Variants in NR2F1-AS1 observed in about 807,000 individuals in gnomAD.
NR2F1-AS1 encodes NR2F1 regulatory antisense RNA 1, also known as NR2F1 antisense RNA 1.
chr5:93,554,096 C>T (rs1245019766), intron 3 of NR2F1-AS1, among the ~76,000 whole-genome samples: 2 of 152,100 alleles, frequency 1.3e-5, no homozygotes, highest in Non-Finnish European at 2.9e-5. Flanking sequence ...TAATGAAAGC[C>T]TGACCCCCTG....
intron 4 of NR2F1-AS1, among the ~76,000 whole-genome samples, chr5:93,552,689 A>G (rs1752259350): frequency 6.6e-6 from 1 of 151,722 alleles, no homozygotes; most frequent in Non-Finnish European, 1.5e-5. Context: ...AAAAAAAAGG[A>G]CACGAGCAAA....
chr5:93,440,666 C>G (rs1749549328), intron 4 of NR2F1-AS1, among the ~76,000 whole-genome samples: 1 of 152,116 alleles, frequency 6.6e-6, no homozygotes, highest in Non-Finnish European at 1.5e-5. Context: ...CTCACTCACT[C>G]TGTTTCTGAA....
At chr5:93,480,421 C>G (rs1750576499) in intron 4 of NR2F1-AS1, among the ~76,000 whole-genome samples, 1 of 152,022 alleles carries the variant, frequency 6.6e-6, no homozygotes, top group Admixed American at 6.6e-5. Context: ...CAGCAAAATA[C>G]TTCAAAAATG....
At chr5:93,574,087 C>A (rs1222532249) in intron 1 of NR2F1-AS1, among the ~76,000 whole-genome samples, 1 of 152,244 alleles carries the variant, frequency 6.6e-6, no homozygotes, top group Non-Finnish European at 1.5e-5. Context: ...AACTACTACA[C>A]CCCAACTAGC....
intron 4 of NR2F1-AS1, among the ~76,000 whole-genome samples, chr5:93,488,933 T>C (rs991093759): frequency 2.6e-5 from 4 of 151,810 alleles, no homozygotes; most frequent in African/African-American, 9.7e-5. Flanking sequence ...AAAGGATGAG[T>C]TCATGTCCTT....
At chr5:93,447,843 T>C (rs1749748621) in intron 4 of NR2F1-AS1, among the ~76,000 whole-genome samples, 1 of 152,182 alleles carries the variant, frequency 6.6e-6, no homozygotes, top group South Asian at 2.1e-4. Flanking sequence ...TGGTGGCACA[T>C]ATACACCATG....
intron 4 of NR2F1-AS1, among the ~76,000 whole-genome samples, chr5:93,420,776 G>A (rs547021675): frequency 3.9e-5 from 6 of 152,220 alleles, no homozygotes; most frequent in African/African-American, 1.4e-4. Context: ...GTAAAAAGAA[G>A]GATAGATCCT....
At chr5:93,430,651 A>G (rs1159665652) in intron 4 of NR2F1-AS1, among the ~76,000 whole-genome samples, 2 of 152,202 alleles carry the variant, frequency 1.3e-5, no homozygotes, top group Non-Finnish European at 2.9e-5. Context: ...ATGCCGAAAG[A>G]AGAATGGTGT....
At chr5:93,431,971 C>T (rs546505894) in intron 4 of NR2F1-AS1, among the ~76,000 whole-genome samples, 2 of 152,010 alleles carry the variant, frequency 1.3e-5, no homozygotes, top group African/African-American at 4.8e-5. Flanking sequence ...TTTAAAATAC[C>T]GGTCTAAAAG....
intron 4 of NR2F1-AS1, among the ~76,000 whole-genome samples, chr5:93,495,765 T>C (rs529981815): frequency 3.3e-5 from 5 of 152,128 alleles, no homozygotes; most frequent in East Asian, 1.9e-4. Flanking sequence ...TTGTATATCA[T>C]ATACACAAAT....
intron 4 of NR2F1-AS1, among the ~76,000 whole-genome samples, chr5:93,522,832 A>G (rs1751531436): frequency 6.6e-6 from 1 of 152,168 alleles, no homozygotes; most frequent in African/African-American, 2.4e-5. Context: ...TGCTTTTCCC[A>G]TGGTCTTTGC....
chr5:93,447,902 A>T (rs987245325), intron 4 of NR2F1-AS1, among the ~76,000 whole-genome samples: 4 of 152,278 alleles, frequency 2.6e-5, no homozygotes, highest in Middle Eastern at 3.4e-3. Flanking sequence ...CTTTGCAGGG[A>T]CATGGATGAA....
intron 1 of NR2F1-AS1, among the ~76,000 whole-genome samples, chr5:93,565,899 A>G (rs116039230): frequency 0.012 from 1,831 of 152,070 alleles, 14 homozygotes; most frequent in Middle Eastern, 0.024. Flanking sequence ...AAATAGCACA[A>G]AACACAAAAT....
intron 4 of NR2F1-AS1, among the ~76,000 whole-genome samples, chr5:93,534,112 A>G (rs1450166636): frequency 6.6e-6 from 1 of 152,218 alleles, no homozygotes; most frequent in African/African-American, 2.4e-5. Flanking sequence ...TAGAAAACAA[A>G]GTATACAAGC....
intron 4 of NR2F1-AS1, chr5:93,545,036 T>C (rs1268060441): frequency 6.6e-6 from 1 of 151,742 alleles, no homozygotes; most frequent in East Asian, 1.9e-4. Flanking sequence ...GGGCTTTTGA[T>C]AAGAAAAAGT....
intron 4 of NR2F1-AS1, among the ~76,000 whole-genome samples, chr5:93,480,549 A>G (rs530784858): frequency 6.6e-6 from 1 of 152,316 alleles, no homozygotes; most frequent in East Asian, 1.9e-4. Context: ...TTAAAGCCAT[A>G]CAATGAAATA....
At chr5:93,472,529 G>A (rs1750388292) in intron 4 of NR2F1-AS1, among the ~76,000 whole-genome samples, 3 of 151,580 alleles carry the variant, frequency 2.0e-5, no homozygotes, top group African/African-American at 7.3e-5. Flanking sequence ...TCTCACTCAA[G>A]ATATAAAAAA....
At chr5:93,535,581 A>G (rs1751822040) in intron 4 of NR2F1-AS1, among the ~76,000 whole-genome samples, 2 of 152,086 alleles carry the variant, frequency 1.3e-5, no homozygotes, top group Admixed American at 6.5e-5. Context: ...AATATCCCTC[A>G]TAAGCATAGA....
intron 4 of NR2F1-AS1, among the ~76,000 whole-genome samples, chr5:93,538,190 T>C (rs1369346277): frequency 3.3e-5 from 5 of 152,144 alleles, no homozygotes; most frequent in Admixed American, 1.3e-4. Flanking sequence ...TAAAAAGTCA[T>C]GGCTGGGCAC....
Sources: gnomAD v4.1 joint callset for allele counts (sites outside exome capture counted in the v4.1 genomes callset) on GRCh38, gnomAD v4.1.1 for gene constraint, MANE v1.5 for transcripts, NCBI Gene and HGNC (gene_info 2026-07-23, HGNC 2026-07-21) for gene names.